ZNF280D: variants seen among roughly 807,000 people sequenced by gnomAD.
The protein encoded by ZNF280D is zinc finger protein 280D.
Under a neutral mutation model 94.7 loss-of-function variants are expected in ZNF280D, and 39 were observed. That is an observed-to-expected ratio of 0.41 (90% CI 0.32 to 0.54). The LOEUF (loss-of-function observed/expected upper bound fraction) is 0.54, where lower values mean the gene tolerates loss of function less well. ZNF280D is among the 20% of genes least tolerant of loss of function. The pLI, the probability that ZNF280D is intolerant of heterozygous loss-of-function variation, is 0.22. For synonymous variants in ZNF280D, 398 were observed against 377.6 expected, an observed-to-expected ratio of 1.05 and a Z score of -0.63; for missense variants, 1,090 against 1,149.3, an observed-to-expected ratio of 0.95 and a Z score of 0.75.
Position 56,631,699 on chromosome 15 carries a change from T to C in ZNF280D, c.2739A>G (p.Gln913=), listed in dbSNP as rs371267672. The C allele has an allele frequency of 1.2e-6, 2 of 1,614,168 alleles. No individual in the cohort carries two copies. The highest frequency in any genetic ancestry group is 1.7e-6 in the Non-Finnish European group (2 of 1,180,012). The change falls in exon 22 of 22, where the codon CAA becomes CAG. Residue 913 remains glutamine (Q), a synonymous_variant. Transcript: ENST00000267807. Reference sequence around the variant, plus strand: ...TCAGAGGTTCCAAATGAATACTGCCTTGCTCGCTAACATCAGAACTAACAG... The same window carrying C: ...TCAGAGGTTCCAAATGAATACTGCCCTGCTCGCTAACATCAGAACTAACAG... ...PESVSSDVSE[Q]GSIHLEPLTP... is the part of the protein sequence containing the mutation.
chr15:56,687,467 C>T (rs1375732896), intron 9 of ZNF280D, among the ~76,000 whole-genome samples: 2 of 152,024 alleles, frequency 1.3e-5, no homozygotes, highest in African/African-American at 4.8e-5. Flanking sequence ...TTTACTTGTA[C>T]ATCCAGAAAG....
At position 56,689,458 on chromosome 15, in the gene ZNF280D, C is replaced by A; in HGVS notation, c.512G>T (p.Ser171Ile). 1 of 1,554,034 alleles carries A rather than the reference C, an allele frequency of 6.4e-7. No homozygotes were observed. The highest frequency in any genetic ancestry group is 1.3e-5 in the South Asian group (1 of 78,628). ...AGAAGGACGTTTTGATAAAAATGAACTTTCACTCATACCTACAATAATTTA... is the reference window on the plus strand; with the variant it reads ...AGAAGGACGTTTTGATAAAAATGAAATTTCACTCATACCTACAATAATTTA... ...PTLSMAGMSESSFLSKRPSTS... is the reference protein window; with the variant it reads ...PTLSMAGMSEISFLSKRPSTS... Residue 171 changes from serine to isoleucine, a missense_variant, in exon 8 of 22, where the codon AGT becomes ATT. This residue lies in a region of ZNF280D where 386 missense variants were observed against 372.0 expected (regional missense o/e 1.04). Coordinates refer to ENST00000267807, the MANE Select transcript of ZNF280D (RefSeq NM_017661.4).
Position 56,691,166 on chromosome 15 carries a change from G to T in ZNF280D, c.500-1696C>A, listed in dbSNP as rs186730251. ...TATTTTATATTTAACTTACCTCAGA[G>T]GGGAAAAATATAATAATAGATTAAC... is the stretch of plus-strand genomic sequence containing the variant. On this transcript the variant is annotated intron_variant, in intron 7 of 21. Transcript: ENST00000267807. Among the ~76,000 whole-genome samples the T allele has an allele frequency of 9.2e-4, 140 of 152,122 alleles. 1 individual carries two copies. Among genetic ancestry groups the T allele is most frequent in the Middle Eastern group, 6.8e-3 (2 of 294 alleles).
chr15:56,700,205 G>A (rs1020452959), intron 6 of ZNF280D: 3 of 964,158 alleles, frequency 3.1e-6, no homozygotes, highest in Non-Finnish European at 3.7e-6. Flanking sequence ...ATATATGTAT[G>A]TATGTGTGCA....
At chr15:56,678,139 C>T (rs1408232645) in intron 11 of ZNF280D, among the ~76,000 whole-genome samples, 2 of 151,836 alleles carry the variant, frequency 1.3e-5, no homozygotes, top group African/African-American at 2.4e-5. Context: ...TCCCAAGGAG[C>T]TGGGATTACA....
intron 1 of ZNF280D, among the ~76,000 whole-genome samples, chr15:56,712,269 A>G (rs192834006): frequency 2.6e-5 from 4 of 152,344 alleles, no homozygotes; most frequent in African/African-American, 7.2e-5. Flanking sequence ...ATCTAATAGA[A>G]TAAGTATCCA....
chr15:56,654,327 AC>A, intron 18 of ZNF280D, 57 bp downstream of exon 18: 1 of 1,596,370 alleles, frequency 6.3e-7, no homozygotes, highest in Non-Finnish European at 8.5e-7. Flanking sequence ...ATTGTGGATG[AC>A]CAAAAATACT....
intron 13 of ZNF280D, among the ~76,000 whole-genome samples, chr15:56,674,548 G>T (rs1332661021): frequency 1.3e-5 from 2 of 152,006 alleles, no homozygotes. Context: ...GTAAAAGCTT[G>T]GATGCTAAGT....
At position 56,711,022 on chromosome 15, in the gene ZNF280D, A is replaced by T. The variant is rs76506770; in HGVS notation, c.-85-3716T>A. ...TTCTAGCTCTCAGGCTTATAGTTCAACTGAAAGATTCTGGCTTAATTCAGC... is the reference window on the plus strand; with the variant it reads ...TTCTAGCTCTCAGGCTTATAGTTCATCTGAAAGATTCTGGCTTAATTCAGC... On this transcript the variant is annotated intron_variant, in intron 1 of 21. Coordinates refer to ENST00000267807, the MANE Select transcript of ZNF280D (RefSeq NM_017661.4). Among the ~76,000 whole-genome samples, 720 of 152,314 alleles carry T rather than the reference A, an allele frequency of 4.7e-3. 6 individuals carry two copies. The highest frequency in any genetic ancestry group is 0.016 in the African/African-American group (680 of 41,564).
chr15:56,631,844 T>C lies in ZNF280D; in HGVS notation c.2594A>G (p.Gln865Arg), dbSNP rs1338326543. ...TTCACTGGAGTTGTGATCTTTAATC[T>C]GATCAGATAAGATTATGTTTTCTGA... ...QSSENIILSDQIKDHNSSEAR... is the reference protein window; with the variant it reads ...QSSENIILSDRIKDHNSSEAR... The change falls in exon 22 of 22, where the codon CAG becomes CGG. Residue 865 changes from glutamine to arginine, a missense_variant. Physicochemically the swap from Gln to Arg is conservative, Grantham distance 43. Around this residue, in one of 3 missense-constraint regions of ZNF280D, gnomAD observed 577 missense variants for 568.8 expected, o/e 1.01. Transcript: ENST00000267807. 4 of 1,613,960 alleles carry C rather than the reference T, an allele frequency of 2.5e-6. No individual in the cohort carries two copies. The East Asian group carries it at 8.9e-5, about 36-fold the overall frequency.
At chr15:56,650,831 A>G (rs2053165735) in intron 19 of ZNF280D, among the ~76,000 whole-genome samples, 1 of 152,122 alleles carries the variant, frequency 6.6e-6, no homozygotes. Flanking sequence ...GGTAAGGGAG[A>G]AACAGAAAAG....
intron 1 of ZNF280D, among the ~76,000 whole-genome samples, chr15:56,708,073 AC>A (rs1246797969): frequency 4.6e-5 from 7 of 152,280 alleles, no homozygotes; most frequent in Admixed American, 6.5e-5. Flanking sequence ...AAAGCAAAAA[AC>A]GTCAACAATT....
chr15:56,715,387 C>T (rs1301956878), intron 1 of ZNF280D, among the ~76,000 whole-genome samples: 3 of 152,134 alleles, frequency 2.0e-5, no homozygotes, highest in Non-Finnish European at 2.9e-5. Context: ...CAATCCCACT[C>T]ACTAGAGTTT....
intron 6 of ZNF280D, chr15:56,700,471 T>C: frequency 2.1e-6 from 2 of 940,874 alleles, no homozygotes; most frequent in Non-Finnish European, 2.6e-6. Flanking sequence ...TATTACTTTT[T>C]GTAACAAAAA....
intron 19 of ZNF280D, among the ~76,000 whole-genome samples, chr15:56,646,380 T>C (rs571049818): frequency 1.2e-4 from 18 of 152,232 alleles, no homozygotes; most frequent in East Asian, 3.9e-4. Context: ...CAGTGAGCCA[T>C]GACTGCACAC....
At chr15:56,638,978 T>C (rs1173296177) in intron 20 of ZNF280D, among the ~76,000 whole-genome samples, 1 of 149,772 alleles carries the variant, frequency 6.7e-6, no homozygotes, top group Non-Finnish European at 1.5e-5. Flanking sequence ...ACATGAAAAA[T>C]ACCAAAAAAA....
intron 13 of ZNF280D, among the ~76,000 whole-genome samples, chr15:56,669,936 T>TA (rs1271370275): frequency 0.014 from 56 of 3,922 alleles, 11 homozygotes; most frequent in Non-Finnish European, 0.017. Context: ...TATATATATA[T>TA]TATATATATA....
intron 1 of ZNF280D, among the ~76,000 whole-genome samples, chr15:56,726,506 C>T (rs2058637655): frequency 6.6e-6 from 1 of 151,990 alleles, no homozygotes; most frequent in African/African-American, 2.4e-5. Context: ...TAACAGAATC[C>T]TTTTATCAAT....
intron 19 of ZNF280D, among the ~76,000 whole-genome samples, chr15:56,648,064 G>A (rs1365384971): frequency 6.6e-6 from 1 of 152,112 alleles, no homozygotes; most frequent in Non-Finnish European, 1.5e-5. Context: ...AATAGAAGGA[G>A]GATTAAATGT....
Sources: allele counts gnomAD v4.1 joint callset (sites outside exome capture counted in the v4.1 genomes callset), GRCh38; gene constraint gnomAD v4.1.1; regional missense constraint gnomAD v4.1.1; transcripts MANE v1.5; gene names NCBI Gene and HGNC (gene_info 2026-07-23, HGNC 2026-07-21).